Variants in CDK12 observed in about 807,000 individuals in gnomAD.
CDK12 encodes the protein cyclin dependent kinase 12.
A neutral mutation model predicts 133.8 loss-of-function variants in CDK12; 17 were observed. The observed-to-expected ratio is 0.13, with a 90% CI of 0.09 to 0.19. The LOEUF (loss-of-function observed/expected upper bound fraction) is 0.19. CDK12 is among the 10% of genes least tolerant of loss of function. The pLI is 1.00. For missense variants in CDK12, 1,508 were observed against 1,818.7 expected (o/e 0.83, Z 3.11); for synonymous variants, 694 against 683.6 (o/e 1.02, Z -0.24).
chr17:39,519,155 G>A (rs751531989), intron 10 of CDK12, among the ~76,000 whole-genome samples: 27 of 151,638 alleles, frequency 1.8e-4, no homozygotes, highest in African/African-American at 2.7e-4. Context: ...TGCCCGCCTC[G>A]GCCCCACAAA....
chr17:39,565,686 A>G (rs1383254677), downstream of CDK12, among the ~76,000 whole-genome samples: 1 of 152,072 alleles, frequency 6.6e-6, no homozygotes, highest in Non-Finnish European at 1.5e-5. Context: ...CACCCGCCTC[A>G]GCCTCCCAAA....
chr17:39,469,030 T>A (rs1348995935), intron 1 of CDK12, among the ~76,000 whole-genome samples: 1 of 151,982 alleles, frequency 6.6e-6, no homozygotes, highest in Non-Finnish European at 1.5e-5. Context: ...GGTTTTACCA[T>A]GTTGGCCAGG....
chr17:39,530,835 G>A lies in CDK12; in HGVS notation c.3992G>A (p.Arg1331Gln), dbSNP rs543570439. The part of the protein sequence containing the change: ...QALRPMEYST[R>Q]PRPNRTYGNT... ...TTGAGACCAATGGAGTACTCCACCCGACCCCGTCCAAACAGGACTTATGGA... is the reference window on the plus strand; with the variant it reads ...TTGAGACCAATGGAGTACTCCACCCAACCCCGTCCAAACAGGACTTATGGA... The change falls in exon 14 of 14, where the codon CGA (arginine) becomes CAA (glutamine). Residue 1331 changes from arginine to glutamine, a missense_variant. Transcript: ENST00000447079. 34 of 1,614,026 alleles carry A rather than the reference G, an allele frequency of 2.1e-5. No homozygotes were observed. Among genetic ancestry groups the A allele is most frequent in the Non-Finnish European group, 2.6e-5 (31 of 1,180,040 alleles).
intron 6 of CDK12, among the ~76,000 whole-genome samples, chr17:39,507,365 T>TCC (rs2053203776): frequency 6.6e-6 from 1 of 150,728 alleles, no homozygotes; most frequent in African/African-American, 2.4e-5. Context: ...GGCAGGCGGA[T>TCC]CACCTGAGGT....
At chr17:39,513,718 A>G (rs1260223406) in intron 8 of CDK12, among the ~76,000 whole-genome samples, 1 of 152,252 alleles carries the variant, frequency 6.6e-6, no homozygotes, top group Admixed American at 6.5e-5. Context: ...GGAAATTAAA[A>G]CTACATAAAG....
Position 39,533,673 on chromosome 17 carries a change from G to T in CDK12, c.*2357G>T. The T allele has an allele frequency of 4.3e-6, 1 of 232,946 alleles. No homozygotes were observed. Among genetic ancestry groups the T allele is most frequent in the Middle Eastern group, 1.3e-3 (1 of 784 alleles). 14.4% of individuals were successfully genotyped at this position (232,946 alleles called of 1,614,324 possible). On this transcript the variant is annotated 3_prime_UTR_variant, in exon 14 of 14. Transcript: ENST00000447079. ...CCATTCCCTCATCCCTACTAGGGAAGGGGGTGAGTGTATGTGTGAGTGTAT... is the reference window on the plus strand; with the variant it reads ...CCATTCCCTCATCCCTACTAGGGAATGGGGTGAGTGTATGTGTGAGTGTAT...
chr17:39,499,324 C>G lies in CDK12; in HGVS notation c.2420-1926C>G, dbSNP rs1175017767. On this transcript the variant is annotated intron_variant, in intron 5 of 13. Coordinates refer to ENST00000447079, the MANE Select transcript of CDK12 (RefSeq NM_016507.4). ...CTGGGTTCAAGCGATTGTCATGCCT[C>G]AGCCTCCCTGAGTAGCTGGAATTAC... Among the ~76,000 whole-genome samples, 13 of 150,304 alleles carry G rather than the reference C, an allele frequency of 8.6e-5. No homozygotes were observed. The East Asian group carries it at 2.5e-3, about 29-fold the overall frequency.
chr17:39,531,504 A>G lies in CDK12; in HGVS notation c.*188A>G. 2.1e-6 allele frequency: 1 copy of G among 475,592 alleles called. No individual in the cohort carries two copies. The allele number at this position is 475,592 out of a possible 1,614,324, so 29.5% of individuals were successfully genotyped here. A position where few individuals can be genotyped will look rare whatever the true frequency, so the allele number is the denominator to read the frequency against. ...CTTACGAAATAATGATGTTGGCACC[A>G]GTTCCCCCTGGATGGGCTATAGCCA... On this transcript the variant is annotated 3_prime_UTR_variant, in exon 14 of 14. Coordinates refer to ENST00000447079, the MANE Select transcript of CDK12 (RefSeq NM_016507.4).
chr17:39,477,051 C>G (rs553150101), intron 2 of CDK12, among the ~76,000 whole-genome samples: 90 of 149,268 alleles, frequency 6.0e-4, no homozygotes, highest in African/African-American at 2.2e-3. Flanking sequence ...GAGACAGTCT[C>G]ACTCTGTTGC....
At position 39,472,540 on chromosome 17, in the gene CDK12, G is replaced by C. The variant is rs145552652; in HGVS notation, c.1931+777G>C. The stretch of plus-strand genomic sequence containing the variant: ...GATACAAAAATTAGCTGGGCGTGGT[G>C]GTGGGCCCCTGTAATCCCAGCTACT... On this transcript the variant is annotated intron_variant, in intron 2 of 13. Coordinates refer to ENST00000447079, the MANE Select transcript of CDK12 (RefSeq NM_016507.4). Among the ~76,000 whole-genome samples, 1,209 of 152,042 alleles carry C rather than the reference G, an allele frequency of 8.0e-3. 5 individuals are homozygous for C. The highest frequency in any genetic ancestry group is 0.013 in the Non-Finnish European group (872 of 67,984).
intron 3 of CDK12, 33 bp downstream of exon 3, chr17:39,490,766 A>G: frequency 1.3e-6 from 2 of 1,502,480 alleles, no homozygotes; most frequent in Non-Finnish European, 1.8e-6. Context: ...CTTTCATGAT[A>G]GTTTTCTCCC....
intron 5 of CDK12, among the ~76,000 whole-genome samples, chr17:39,495,514 A>G (rs2052027114): frequency 6.6e-6 from 1 of 150,442 alleles, no homozygotes; most frequent in African/African-American, 2.5e-5. Flanking sequence ...GGTAGTGGCC[A>G]GGCGCAGTGG....
chr17:39,495,449 C>T (rs979959223), intron 5 of CDK12, among the ~76,000 whole-genome samples: 1 of 131,026 alleles, frequency 7.6e-6, no homozygotes, highest in Non-Finnish European at 1.5e-5. Flanking sequence ...GGATATGATG[C>T]ATGTATGCCT....
intron 12 of CDK12, among the ~76,000 whole-genome samples, chr17:39,525,630 G>A (rs2054450701): frequency 6.6e-6 from 1 of 152,164 alleles, no homozygotes; most frequent in Non-Finnish European, 1.5e-5. Context: ...CAGATAAAGT[G>A]AAGTCACTTT....
intron 8 of CDK12, among the ~76,000 whole-genome samples, chr17:39,513,323 C>T (rs1287899881): frequency 1.3e-5 from 2 of 152,110 alleles, no homozygotes; most frequent in African/African-American, 4.8e-5. Context: ...CTTTTCCTTC[C>T]TCTATTAATG....
chr17:39,513,789 G>T (rs2053630252), intron 8 of CDK12, among the ~76,000 whole-genome samples: 1 of 152,160 alleles, frequency 6.6e-6, no homozygotes, highest in South Asian at 2.1e-4. Context: ...GTTTTGATGT[G>T]AACTTACTAC....
intron 3 of CDK12, among the ~76,000 whole-genome samples, chr17:39,558,703 G>A (rs1388553890): frequency 1.3e-5 from 2 of 152,264 alleles, no homozygotes; most frequent in South Asian, 2.1e-4. Flanking sequence ...GAGTGCAATG[G>A]TGCAGTCTCG....
intron 2 of CDK12, 58 bp from the exon 3 acceptor site, chr17:39,490,499 A>G: frequency 7.7e-7 from 1 of 1,307,086 alleles, no homozygotes; most frequent in South Asian, 1.6e-5. Context: ...ATCTTTGAAA[A>G]TTTTTATTTG....
At chr17:39,497,904 G>A (rs1039029565) in intron 5 of CDK12, among the ~76,000 whole-genome samples, 20 of 151,906 alleles carry the variant, frequency 1.3e-4, no homozygotes, top group African/African-American at 2.2e-4. Context: ...CGCACCCAGC[G>A]AATGTCATTT....
Sources: gnomAD v4.1 joint callset for allele counts (sites outside exome capture counted in the v4.1 genomes callset) on GRCh38, gnomAD v4.1.1 for gene constraint, MANE v1.5 for transcripts, NCBI Gene and HGNC (gene_info 2026-07-23, HGNC 2026-07-21) for gene names.